The following KTN1 variants were observed in gnomAD, a reference collection of about 807,000 sequenced individuals.
The protein encoded by KTN1 is kinectin.
In KTN1, 130 loss-of-function variants were observed where a neutral mutation model predicts 222.5. The ratio of observed to expected loss-of-function variants is 0.58; its 90% CI spans 0.51 to 0.68. The LOEUF (loss-of-function observed/expected upper bound fraction) is 0.68. Among genes scored for constraint, KTN1 ranks in the 30% least tolerant of loss-of-function variants. The probability of loss-of-function intolerance (pLI) is 0.00; values close to 1 mark genes in which losing one functional copy is unlikely to be tolerated. For missense variants in KTN1, 1,508 were observed against 1,500.4 expected (o/e 1.01, Z -0.08); for synonymous variants, 512 against 496.3 (o/e 1.03, Z -0.42).
At chr14:55,629,592 G>A (rs1566748164) in intron 6 of KTN1, among the ~76,000 whole-genome samples, 1 of 151,976 alleles carries the variant, frequency 6.6e-6, no homozygotes. Context: ...GAAAGAGAAC[G>A]TGTACCTGGG....
intron 33 of KTN1, among the ~76,000 whole-genome samples, chr14:55,665,170 CATT>C (rs1345007748): frequency 6.6e-6 from 1 of 151,888 alleles, no homozygotes; most frequent in Admixed American, 6.6e-5. Flanking sequence ...TAGGACATTT[CATT>C]ATTATTTCAC....
chr14:55,670,914 C>CTCTTTTGA, intron 35 of KTN1, 105 bp downstream of exon 35: 1 of 681,074 alleles, frequency 1.5e-6, no homozygotes, highest in South Asian at 2.3e-5. Flanking sequence ...TCGAATAAGG[C>CTCTTTTGA]TCTTTTGAGA....
intron 18 of KTN1, among the ~76,000 whole-genome samples, chr14:55,642,919 T>C (rs185448119): frequency 1.6e-3 from 245 of 152,198 alleles, no homozygotes; most frequent in African/African-American, 5.7e-3. Context: ...TTTTTTTTTT[T>C]TTCTTCTTGA....
intron 1 of KTN1, among the ~76,000 whole-genome samples, chr14:55,598,422 G>C (rs2035419006): frequency 7.0e-6 from 1 of 143,012 alleles, no homozygotes; most frequent in African/African-American, 2.6e-5. Context: ...GCGACAGAGC[G>C]AGACTCCATC....
chr14:55,654,583 A>AT (rs913908328), intron 28 of KTN1, among the ~76,000 whole-genome samples: 3 of 139,152 alleles, frequency 2.2e-5, no homozygotes, highest in Admixed American at 1.4e-4. Context: ...AATAGATTTT[A>AT]TTTTTTGTGG....
intron 1 of KTN1, among the ~76,000 whole-genome samples, chr14:55,580,752 C>G (rs889466764): frequency 5.9e-5 from 9 of 152,124 alleles, no homozygotes; most frequent in African/African-American, 9.6e-5. Flanking sequence ...CTGAGGGCCC[C>G]CGGGAGGGAA....
At chr14:55,589,329 C>T (rs550358948) in intron 1 of KTN1, among the ~76,000 whole-genome samples, 2 of 152,240 alleles carry the variant, frequency 1.3e-5, no homozygotes, top group Admixed American at 6.5e-5. Flanking sequence ...AACGGCGTCT[C>T]GCTCTGTCAC....
At position 55,679,615 on chromosome 14, in the gene KTN1, A is replaced by G; in HGVS notation, c.3999A>G (p.Thr1333=). The change falls in exon 43 of 44, where the codon ACA becomes ACG. Residue 1333 remains threonine, a synonymous_variant. Transcript: ENST00000395314. The part of the protein sequence containing the change: ...TMSVSLNQTV[T]QLQQLLQAVN... Reference sequence around the variant, plus strand: ...CTGTAAGTCTAAATCAGACTGTAACACAGTTACAGCAGTTGCTTCAGGCGG... The same window carrying G: ...CTGTAAGTCTAAATCAGACTGTAACGCAGTTACAGCAGTTGCTTCAGGCGG... 2 of 1,606,612 alleles carry G rather than the reference A, an allele frequency of 1.2e-6. No homozygotes were observed. The highest frequency in any genetic ancestry group is 3.3e-5 in the Admixed American group (2 of 60,012).
chr14:55,585,131 CAAAA>C (rs752597184), intron 1 of KTN1, among the ~76,000 whole-genome samples: 3 of 54,538 alleles, frequency 5.5e-5, no homozygotes, highest in African/African-American at 1.4e-4. Context: ...GACTGTGTCT[CAAAA>C]AAAAAAAAAA....
intron 19 of KTN1, 51 bp from the exon 20 acceptor site, chr14:55,647,971 TATC>T (rs1002519359): frequency 1.3e-4 from 73 of 575,154 alleles, no homozygotes; most frequent in Non-Finnish European, 1.9e-4. Context: ...ATAATAATAA[TATC>T]ATTAACTTTG....
chr14:55,642,249 T>C (rs1249051584), intron 18 of KTN1, among the ~76,000 whole-genome samples: 3 of 152,186 alleles, frequency 2.0e-5, no homozygotes, highest in Non-Finnish European at 4.4e-5. Flanking sequence ...GAGAAGCTTA[T>C]GTATGGTGCC....
chr14:55,632,564 G>A (rs929784906), intron 7 of KTN1, among the ~76,000 whole-genome samples: 1 of 149,238 alleles, frequency 6.7e-6, no homozygotes, highest in East Asian at 2.0e-4. Flanking sequence ...GTTAAAAGGT[G>A]TAGAAGGTGT....
chr14:55,593,534 G>GT (rs898202276), intron 1 of KTN1, among the ~76,000 whole-genome samples: 5 of 150,404 alleles, frequency 3.3e-5, no homozygotes, highest in Admixed American at 6.6e-5. Flanking sequence ...TAGCTGCTTG[G>GT]TTTTTTTTCC....
At chr14:55,645,524 A>G (rs945991546) in intron 18 of KTN1, among the ~76,000 whole-genome samples, 1 of 152,232 alleles carries the variant, frequency 6.6e-6, no homozygotes, top group Non-Finnish European at 1.5e-5. Flanking sequence ...ACTTAGACTT[A>G]ATAGTGTTAT....
At chr14:55,601,074 A>G (rs1212607086) in intron 1 of KTN1, among the ~76,000 whole-genome samples, 1 of 152,174 alleles carries the variant, frequency 6.6e-6, no homozygotes, top group East Asian at 1.9e-4. Context: ...GGATTGATCT[A>G]TTCTCATATT....
At chr14:55,593,055 T>G (rs2034409967) in intron 1 of KTN1, among the ~76,000 whole-genome samples, 1 of 152,182 alleles carries the variant, frequency 6.6e-6, no homozygotes, top group African/African-American at 2.4e-5. Context: ...TATTTTTCTA[T>G]TTTGTCTAGA....
rs772118269 is a variant in KTN1 at position 55,659,307 on chromosome 14, GTT to G, written c.2962-342_2962-341del. Among the ~76,000 whole-genome samples, 634 of 120,562 alleles carry G rather than the reference GTT, an allele frequency of 5.3e-3. 6 individuals carry two copies. The highest frequency in any genetic ancestry group is 0.017 in the African/African-American group (585 of 33,514). The allele number at this position is 120,562 out of a possible 152,430, so 79.1% of individuals were successfully genotyped here. A position where few individuals can be genotyped will look rare whatever the true frequency, so the allele number is the denominator to read the frequency against. On this transcript the variant is annotated intron_variant, in intron 30 of 43. Transcript: ENST00000395314. ...TGTCCTAGTTTTGCTTTTGATTTCT[GTT>G]TTTTTTTTTTTTTTTTAACTTGGAA...
intron 37 of KTN1, chr14:55,672,125 C>G (rs575919505): frequency 9.1e-5 from 36 of 396,344 alleles, no homozygotes; most frequent in Admixed American, 8.8e-4. Context: ...ATGCTAGTTA[C>G]AGAACTATTG....
chr14:55,623,187 A>G (rs534973116), intron 5 of KTN1, among the ~76,000 whole-genome samples: 18 of 152,246 alleles, frequency 1.2e-4, no homozygotes, highest in Non-Finnish European at 2.2e-4. Flanking sequence ...TCATAGCACT[A>G]TAAGTCTGTC....
Sources: gnomAD v4.1 joint callset for allele counts (sites outside exome capture counted in the v4.1 genomes callset) on GRCh38, gnomAD v4.1.1 for gene constraint, MANE v1.5 for transcripts, NCBI Gene and HGNC (gene_info 2026-07-23, HGNC 2026-07-21) for gene names.